ADGRL3: variants seen among roughly 807,000 people sequenced by gnomAD.
ADGRL3 encodes the protein calcium-independent alpha-latrotoxin receptor 3.
In ADGRL3, 62 loss-of-function variants were observed where a neutral mutation model predicts 153.5. The observed-to-expected ratio is 0.40, with a 90% confidence interval of 0.33 to 0.50. ADGRL3 has a LOEUF of 0.50. Ranked by LOEUF, ADGRL3 falls within the 20% of genes least tolerant of loss-of-function variation. ADGRL3 has a pLI of 0.47. For missense variants in ADGRL3, 1,641 were observed against 1,859.4 expected, an observed-to-expected ratio of 0.88 and a Z score of 2.16; for synonymous variants, 710 against 672.5, an observed-to-expected ratio of 1.06 and a Z score of -0.86.
chr4:61,363,070 C>T (rs1261014423), intron 1 of ADGRL3, among the ~76,000 whole-genome samples: 3 of 152,178 alleles, frequency 2.0e-5, no homozygotes, highest in African/African-American at 7.2e-5. Flanking sequence ...ATTGATACAG[C>T]TGTCTAGCTT....
chr4:61,962,793 T>C (rs1370965042), intron 17 of ADGRL3, among the ~76,000 whole-genome samples: 1 of 152,228 alleles, frequency 6.6e-6, no homozygotes, highest in Non-Finnish European at 1.5e-5. Context: ...GGAACGTATT[T>C]GGAAACTTTG....
intron 1 of ADGRL3, among the ~76,000 whole-genome samples, chr4:61,378,704 C>A (rs1042520379): frequency 2.6e-5 from 4 of 151,898 alleles, no homozygotes; most frequent in South Asian, 2.1e-4. Context: ...TTGTATTCAT[C>A]CTTTATAAAT....
Position 61,733,289 on chromosome 4 carries a change from T to C in ADGRL3, c.1134T>C (p.Ala378=), listed in dbSNP as rs765123680. The change falls in exon 8 of 27, where the codon GCT becomes GCC. Residue 378 remains alanine (A), a synonymous_variant. Coordinates refer to ENST00000683033, the MANE Select transcript of ADGRL3 (RefSeq NM_001387552.1). The part of the protein sequence containing the change: ...TWDTAYDKRS[A]SNAFMICGIL... Reference sequence around the variant, plus strand: ...ATACTGCATATGATAAAAGGTCAGCTTCCAATGCCTTTATGATTTGTGGAA... The same window carrying C: ...ATACTGCATATGATAAAAGGTCAGCCTCCAATGCCTTTATGATTTGTGGAA... The C allele has an allele frequency of 1.2e-6, 2 of 1,613,678 alleles. No individual in the cohort carries two copies. The highest frequency in any genetic ancestry group is 1.3e-5 in the African/African-American group (1 of 74,912).
At chr4:61,247,061 G>T (rs1459975536) in intron 1 of ADGRL3, among the ~76,000 whole-genome samples, 1 of 151,988 alleles carries the variant, frequency 6.6e-6, no homozygotes, top group African/African-American at 2.4e-5. Context: ...TTTAAAGGAA[G>T]AGAAATAATT....
chr4:61,608,504 C>A (rs1185928822), intron 5 of ADGRL3, among the ~76,000 whole-genome samples: 2 of 151,964 alleles, frequency 1.3e-5, no homozygotes, highest in African/African-American at 2.4e-5. Flanking sequence ...GAAAAAAAAG[C>A]AATTTGCAAA....
At chr4:61,356,312 A>T (rs556236609) in intron 1 of ADGRL3, among the ~76,000 whole-genome samples, 1 of 152,142 alleles carries the variant, frequency 6.6e-6, no homozygotes, top group South Asian at 2.1e-4. Flanking sequence ...GGATTTGATT[A>T]ATTATTTTCT....
intron 2 of ADGRL3, among the ~76,000 whole-genome samples, chr4:61,400,834 A>C (rs2152111244): frequency 6.6e-6 from 1 of 151,150 alleles, no homozygotes; most frequent in Non-Finnish European, 1.5e-5. Context: ...AAAAAAAAAA[A>C]AGTCCTGCTC....
intron 1 of ADGRL3, among the ~76,000 whole-genome samples, chr4:61,248,889 T>C (rs1758104830): frequency 6.6e-6 from 1 of 152,192 alleles, no homozygotes; most frequent in Admixed American, 6.6e-5. Context: ...TTTTCCTTTA[T>C]CTGTCACTAC....
intron 8 of ADGRL3, among the ~76,000 whole-genome samples, chr4:61,767,331 T>C (rs868080511): frequency 6.6e-6 from 1 of 150,476 alleles, no homozygotes; most frequent in African/African-American, 2.5e-5. Context: ...GAGTATTGTC[T>C]AAGTTGGCAC....
intron 6 of ADGRL3, among the ~76,000 whole-genome samples, chr4:61,681,879 C>T (rs879287974): frequency 7.9e-5 from 12 of 151,908 alleles, no homozygotes; most frequent in Non-Finnish European, 1.6e-4. Context: ...AGAAAGATCA[C>T]AAAAATGTCC....
At position 61,795,654 on chromosome 4, in the gene ADGRL3, G is replaced by C. The variant is rs1158359659; in HGVS notation, c.1400-18155G>C. On this transcript the variant is annotated intron_variant, in intron 8 of 26. Coordinates refer to ENST00000683033, the MANE Select transcript of ADGRL3 (RefSeq NM_001387552.1). ...ACCGTCTGCAAATGAATACTTTTCA[G>C]CTGTTCATGGGGGCTTTCACTATTG... Among the ~76,000 whole-genome samples, 3 of 152,088 alleles carry C rather than the reference G, an allele frequency of 2.0e-5. No individual in the cohort carries two copies. In the East Asian group the frequency reaches 5.8e-4, roughly 29 times the overall value.
intron 21 of ADGRL3, among the ~76,000 whole-genome samples, chr4:62,005,926 T>TTTTTA (rs1156371965): frequency 6.9e-6 from 1 of 145,366 alleles, no homozygotes; most frequent in Non-Finnish European, 1.5e-5. Context: ...AATTTGCTAG[T>TTTTTA]TTTTATTTTA....
intron 9 of ADGRL3, among the ~76,000 whole-genome samples, chr4:61,856,598 C>CTTTTTTTTTTT (rs1561366767): frequency 1.8e-5 from 1 of 56,896 alleles, no homozygotes; most frequent in African/African-American, 5.3e-5. Context: ...CTCTCTCTCT[C>CTTTTTTTTTTT]TCTCTCTTTT....
chr4:61,447,710 T>A (rs2152501036), intron 2 of ADGRL3, among the ~76,000 whole-genome samples: 1 of 152,326 alleles, frequency 6.6e-6, no homozygotes, highest in South Asian at 2.1e-4. Context: ...AACATGAGTT[T>A]TATTTGCTTA....
At chr4:61,246,029 T>G (rs1275843910) in intron 1 of ADGRL3, among the ~76,000 whole-genome samples, 1 of 152,102 alleles carries the variant, frequency 6.6e-6, no homozygotes, top group Non-Finnish European at 1.5e-5. Flanking sequence ...TAGCTTTCTC[T>G]GTATTTCCCA....
chr4:61,743,767 G>C (rs2151946515), intron 8 of ADGRL3, among the ~76,000 whole-genome samples: 1 of 152,348 alleles, frequency 6.6e-6, no homozygotes, highest in African/African-American at 2.4e-5. Flanking sequence ...CCGCTCTACA[G>C]CTCCCAGCGT....
rs527784306 is a variant in ADGRL3, at chr4:61,709,425, C to A, written c.584-21197C>A. On this transcript the variant is annotated intron_variant, in intron 6 of 26. Transcript: ENST00000683033. ...TGTTTTATGTTTACCATTGATCCTTCAGTCATGTTAATCATTTTGCATATA... is the reference window on the plus strand; with the variant it reads ...TGTTTTATGTTTACCATTGATCCTTAAGTCATGTTAATCATTTTGCATATA... Among the ~76,000 whole-genome samples the A allele has an allele frequency of 7.4e-4, 113 of 152,260 alleles. 1 individual carries two copies. The highest frequency in any genetic ancestry group is 2.2e-3 in the Admixed American group (33 of 15,290).
At chr4:61,424,877 G>T (rs556969882) in intron 2 of ADGRL3, among the ~76,000 whole-genome samples, 3 of 152,244 alleles carry the variant, frequency 2.0e-5, no homozygotes, top group African/African-American at 7.2e-5. Flanking sequence ...GGGGCTTGCA[G>T]CACTTGCAAA....
chr4:61,408,488 C>G (rs1365268464), intron 2 of ADGRL3, among the ~76,000 whole-genome samples: 1 of 151,318 alleles, frequency 6.6e-6, no homozygotes. Context: ...TTACTTTGAT[C>G]GTTCCCTGCT....
Sources: allele counts gnomAD v4.1 joint callset (sites outside exome capture counted in the v4.1 genomes callset), GRCh38; gene constraint gnomAD v4.1.1; transcripts MANE v1.5; gene names NCBI Gene and HGNC (gene_info 2026-07-23, HGNC 2026-07-21).